WDR48: variants seen among roughly 807,000 people sequenced by gnomAD.
WDR48 encodes WD repeat domain 48, also known as WD repeat-containing protein 48.
A neutral mutation model predicts 94.0 loss-of-function variants in WDR48; 22 were observed. The observed-to-expected ratio is 0.23, with a 90% CI of 0.17 to 0.33. The LOEUF (loss-of-function observed/expected upper bound fraction) is 0.33, where lower values mean the gene tolerates loss of function less well. Ranked by LOEUF, WDR48 falls within the 10% of genes least tolerant of loss-of-function variation. WDR48 has a pLI of 1.00. For missense variants in WDR48, 541 were observed against 813.8 expected (o/e 0.66, Z 4.08); for synonymous variants, 278 against 280.5 (o/e 0.99, Z 0.09).
At chr3:39,079,145 A>T (rs1342622669) in intron 10 of WDR48, among the ~76,000 whole-genome samples, 1 of 152,212 alleles carries the variant, frequency 6.6e-6, no homozygotes, top group Non-Finnish European at 1.5e-5. Context: ...CATAAAATAC[A>T]TAGGATTTAA....
chr3:39,068,935 G>T (rs1246458346), intron 6 of WDR48, 76 bp downstream of exon 6: 2 of 1,143,774 alleles, frequency 1.7e-6, no homozygotes, highest in South Asian at 1.6e-5. Flanking sequence ...TTTTAAGCAG[G>T]TATTTTACGA....
chr3:39,059,061 T>A (rs1044529194), intron 1 of WDR48, among the ~76,000 whole-genome samples: 2 of 123,326 alleles, frequency 1.6e-5, no homozygotes, highest in African/African-American at 3.4e-5. Context: ...GGCGATACAG[T>A]GAGACTCCGT....
rs2034735999 is a variant in WDR48 at position 39,085,004 on chromosome 3, G to T, written c.1378+263G>T. Among the ~76,000 whole-genome samples, 8 of 152,298 alleles carry T rather than the reference G, an allele frequency of 5.3e-5. No individual in the cohort carries two copies. In the South Asian group the frequency reaches 1.7e-3, roughly 32 times the overall value. On this transcript the variant is annotated intron_variant, in intron 13 of 18. Coordinates refer to ENST00000302313, the MANE Select transcript of WDR48 (RefSeq NM_020839.4). ...GCACTTTGGGAGGCCGAGGCGGGTG[G>T]ATCACGAGGTCAGGGGATCGAGACC...
At chr3:39,053,174 G>C (rs941399751) in intron 1 of WDR48, among the ~76,000 whole-genome samples, 3 of 152,208 alleles carry the variant, frequency 2.0e-5, no homozygotes, top group African/African-American at 7.2e-5. Flanking sequence ...ACTTAGGGTG[G>C]CCCCCAAAGG....
chr3:39,087,173 T>A (rs2034851115), intron 14 of WDR48, among the ~76,000 whole-genome samples: 1 of 152,144 alleles, frequency 6.6e-6, no homozygotes, highest in Non-Finnish European at 1.5e-5. Flanking sequence ...TCCAGTTTGA[T>A]GAGGAAAGTG....
At chr3:39,074,975 T>C (rs2034137506) in intron 8 of WDR48, 25 bp downstream of exon 8, 1 of 1,606,170 alleles carries the variant, frequency 6.2e-7, no homozygotes, top group Non-Finnish European at 8.5e-7. Flanking sequence ...AATATTTTAG[T>C]TTTATAATTA....
At chr3:39,078,760 C>T (rs561577309) in intron 10 of WDR48, among the ~76,000 whole-genome samples, 78 of 298 alleles carry the variant, frequency 0.26, 1 homozygote, top group Admixed American at 0.41. Flanking sequence ...GGGCCGGGCG[C>T]GGTGGCTCGC....
Position 39,066,799 on chromosome 3 carries a change from T to G in WDR48, c.405T>G (p.Ala135=), listed in dbSNP as rs757043071. Reference sequence around the variant, plus strand: ...AGGATAAAGAACTAGTAGCATCAGCTGGGTTGGACAGACAAATATTCCTTT... The same window carrying G: ...AGGATAAAGAACTAGTAGCATCAGCGGGGTTGGACAGACAAATATTCCTTT... ...YAKDKELVAS[A]GLDRQIFLWD... Residue 135 remains alanine, a synonymous_variant, in exon 5 of 19, where the codon GCT becomes GCG. Coordinates refer to ENST00000302313, the MANE Select transcript of WDR48 (RefSeq NM_020839.4). The G allele has an allele frequency of 1.2e-6, 2 of 1,614,004 alleles. No homozygotes were observed. The highest frequency in any genetic ancestry group is 1.7e-6 in the Non-Finnish European group (2 of 1,179,914).
intron 7 of WDR48, among the ~76,000 whole-genome samples, chr3:39,074,303 A>G (rs2034097954): frequency 6.6e-6 from 1 of 152,232 alleles, no homozygotes; most frequent in Admixed American, 6.5e-5. Context: ...AGCATAATGA[A>G]TAGGTGTCAT....
chr3:39,066,533 C>G lies in WDR48; in HGVS notation c.269-15C>G. 6 of 1,611,352 alleles carry G rather than the reference C, an allele frequency of 3.7e-6. No homozygotes were observed. Among genetic ancestry groups the G allele is most frequent in the Non-Finnish European group, 5.1e-6 (6 of 1,178,612 alleles). ...CATACTACTAAGGAGTTTGTTAATT[C>G]TTTGCTTCTTCTAGTAATATCTGCT... is the stretch of plus-strand genomic sequence containing the variant. On this transcript the variant is annotated splice_polypyrimidine_tract_variant and intron_variant, in intron 3 of 18. Coordinates refer to ENST00000302313, the MANE Select transcript of WDR48 (RefSeq NM_020839.4).
chr3:39,087,896 T>C, intron 14 of WDR48: 1 of 473,432 alleles, frequency 2.1e-6, no homozygotes, highest in Non-Finnish European at 3.8e-6. Context: ...TTAATCTCTT[T>C]TATTAAAATC....
Position 39,094,616 on chromosome 3 carries a change from T to C in WDR48, c.1939-32T>C, listed in dbSNP as rs368680519. 16 of 1,613,420 alleles carry C rather than the reference T, an allele frequency of 9.9e-6. 1 individual carries two copies. In the East Asian group the frequency reaches 2.7e-4, roughly 27 times the overall value. On this transcript the variant is annotated intron_variant, in intron 18 of 18. Transcript: ENST00000302313. The stretch of plus-strand genomic sequence containing the variant: ...ATAAGGTTTTAGATATTAGAGACTT[T>C]GAAATTTTTAAATTTAATTTTGGCT...
In WDR48 at chr3:39,092,372, T is replaced by C. The variant is rs868659019; in HGVS notation, c.1745+671T>C. On this transcript the variant is annotated intron_variant, in intron 17 of 18. Coordinates refer to ENST00000302313, the MANE Select transcript of WDR48 (RefSeq NM_020839.4). ...TTTGAGTTGGACATGTAATGATTGGTAGAACTTCAAAAGATAGATATTCCA... is the reference window on the plus strand; with the variant it reads ...TTTGAGTTGGACATGTAATGATTGGCAGAACTTCAAAAGATAGATATTCCA... 3.5e-4 allele frequency among the ~76,000 whole-genome samples: 53 copies of C among 152,242 alleles called. 1 individual carries two copies. The Middle Eastern group carries it at 0.017, about 49-fold the overall frequency.
At chr3:39,076,416 A>G (rs1330158216) in intron 8 of WDR48, among the ~76,000 whole-genome samples, 1 of 152,210 alleles carries the variant, frequency 6.6e-6, no homozygotes, top group Non-Finnish European at 1.5e-5. Context: ...AGCTGCCTGG[A>G]TCTCTTGCCG....
At chr3:39,067,239 TGGCGATTTTCTGACAAAGTA>T (rs1261212927) in intron 5 of WDR48, among the ~76,000 whole-genome samples, 8 of 152,180 alleles carry the variant, frequency 5.3e-5, no homozygotes, top group African/African-American at 1.9e-4. Flanking sequence ...TTGAAGGAGG[TGGCGATTTTCTGACAAAGTA>T]GGCGGTTTTC....
In WDR48 at chr3:39,076,343, C is replaced by G. The variant is rs1016086826; in HGVS notation, c.898-796C>G. On this transcript the variant is annotated intron_variant, in intron 8 of 18. Transcript: ENST00000302313. The stretch of plus-strand genomic sequence containing the variant: ...CATACATATACAACATGTGTGCAGG[C>G]AGCAGGCTGATGTGATGGGGAGACA... 2.0e-5 allele frequency among the ~76,000 whole-genome samples: 3 copies of G among 152,180 alleles called. No homozygotes were observed. The East Asian group carries it at 5.8e-4, about 29-fold the overall frequency.
At chr3:39,078,915 A>G (rs1269529486) in intron 10 of WDR48, among the ~76,000 whole-genome samples, 2 of 150,790 alleles carry the variant, frequency 1.3e-5, no homozygotes, top group African/African-American at 2.4e-5. Flanking sequence ...CTGTAGTCCC[A>G]GCTACTTGGG....
intron 2 of WDR48, among the ~76,000 whole-genome samples, chr3:39,065,582 T>C (rs1242552604): frequency 6.6e-6 from 1 of 152,106 alleles, no homozygotes; most frequent in Non-Finnish European, 1.5e-5. Context: ...GAAGTATTTG[T>C]CCTGGAAACC....
intron 14 of WDR48, 95 bp from the exon 15 acceptor site, chr3:39,088,033 A>G: frequency 8.6e-7 from 1 of 1,167,044 alleles, no homozygotes; most frequent in Non-Finnish European, 1.3e-6. Flanking sequence ...TTTGAATTTA[A>G]TCTTGCAATG....
Sources: allele counts gnomAD v4.1 joint callset (sites outside exome capture counted in the v4.1 genomes callset), GRCh38; gene constraint gnomAD v4.1.1; transcripts MANE v1.5; gene names NCBI Gene and HGNC (gene_info 2026-07-23, HGNC 2026-07-21).